The following FNDC1 variants were observed in gnomAD, a reference collection of about 807,000 sequenced individuals.
FNDC1 encodes the protein fibronectin type III domain containing 1, also known as fibronectin type III domain-containing protein 1.
FNDC1 carries 96 observed loss-of-function variants against 168.0 expected under a neutral mutation model. That is an observed-to-expected ratio of 0.57 (90% CI 0.48 to 0.68). The LOEUF is 0.68. FNDC1 is among the 30% of genes least tolerant of loss of function. The pLI is 0.00. For missense variants in FNDC1, 2,587 were observed against 2,482.1 expected (o/e 1.04, Z -0.90); for synonymous variants, 1,099 against 1,025.9 (o/e 1.07, Z -1.36).
chr6:159,184,064 G>A (rs887257442), intron 1 of FNDC1, among the ~76,000 whole-genome samples: 4 of 152,268 alleles, frequency 2.6e-5, no homozygotes, highest in Admixed American at 1.3e-4. Context: ...CTTACTAGAT[G>A]TGTGCCCTTG....
rs572005809 is a variant in FNDC1 at position 159,265,955 on chromosome 6, C to A, written c.5285-129C>A. 123 of 955,520 alleles carry A rather than the reference C, an allele frequency of 1.3e-4. 1 individual carries two copies. The South Asian group carries it at 2.0e-3, about 16-fold the overall frequency. 59.2% of individuals were successfully genotyped at this position (955,520 alleles called of 1,614,324 possible). On this transcript the variant is annotated intron_variant, in intron 20 of 22. Transcript: ENST00000297267. ...ACAAACAAACAAACAACAACACAAA[C>A]AAACAAACAAACAAAAAGCCCTGTA...
At chr6:159,237,796 G>T (rs1271444066) in intron 12 of FNDC1, among the ~76,000 whole-genome samples, 1 of 152,110 alleles carries the variant, frequency 6.6e-6, no homozygotes, top group Non-Finnish European at 1.5e-5. Flanking sequence ...GCAGTTTTAA[G>T]CTTATATATG....
chr6:159,234,290 CGACT>C lies in FNDC1; in HGVS notation c.3780_3783del (p.Leu1261ArgfsTer8). The C allele has an allele frequency of 6.2e-7, 1 of 1,602,560 alleles. No homozygotes were observed. The highest frequency in any genetic ancestry group is 1.1e-5 in the South Asian group (1 of 89,472). ...CCCCAGGGCCTCCCACGTCCCTTCC[CGACT>C]GCCGCCTCGCAGCGCTGCCACCGTG... On this transcript the variant is annotated frameshift_variant, in exon 11 of 23. Coordinates refer to ENST00000297267, the MANE Select transcript of FNDC1 (RefSeq NM_032532.3). LOFTEE classifies it high-confidence loss of function.
chr6:159,253,429 C>A (rs1043829859), intron 17 of FNDC1, among the ~76,000 whole-genome samples: 1 of 152,148 alleles, frequency 6.6e-6, no homozygotes, highest in Non-Finnish European at 1.5e-5. Context: ...ATTATCGGGC[C>A]CCCTGCAGGG....
At chr6:159,219,133 C>T (rs749099489) in intron 5 of FNDC1, among the ~76,000 whole-genome samples, 2 of 151,934 alleles carry the variant, frequency 1.3e-5, no homozygotes, top group Admixed American at 6.6e-5. Flanking sequence ...CTCCCCCTCC[C>T]GGGTTTAAGA....
chr6:159,192,869 G>C (rs76906860), intron 1 of FNDC1, among the ~76,000 whole-genome samples: 5,774 of 152,130 alleles, frequency 0.038, 402 homozygotes, highest in African/African-American at 0.13. Flanking sequence ...GGGAGGTCTG[G>C]GGGTGTGATG....
chr6:159,257,717 G>T (rs1485952373), intron 18 of FNDC1, among the ~76,000 whole-genome samples: 1 of 152,164 alleles, frequency 6.6e-6, no homozygotes, highest in Non-Finnish European at 1.5e-5. Flanking sequence ...TGCCATTTGG[G>T]CCCGCTTGAG....
At chr6:159,237,640 C>T (rs908335683) in intron 12 of FNDC1, among the ~76,000 whole-genome samples, 1 of 152,138 alleles carries the variant, frequency 6.6e-6, no homozygotes, top group African/African-American at 2.4e-5. Context: ...CTTTAATATG[C>T]TAGCAATTCA....
At chr6:159,257,783 G>A (rs189495282) in intron 18 of FNDC1, among the ~76,000 whole-genome samples, 256 of 152,242 alleles carry the variant, frequency 1.7e-3, no homozygotes, top group Non-Finnish European at 2.8e-3. Context: ...AAAGCAAGTA[G>A]TAAACCAGGA....
intron 14 of FNDC1, 93 bp downstream of exon 14, chr6:159,240,050 A>G (rs1007286656): frequency 2.4e-5 from 30 of 1,228,100 alleles, no homozygotes; most frequent in Non-Finnish European, 3.2e-5. Context: ...GGGAGGTATG[A>G]GCACCGTGCA....
chr6:159,271,416 G>T lies in FNDC1; in HGVS notation c.5659G>T (p.Gly1887Trp). 2.5e-6 allele frequency: 4 copies of T among 1,610,958 alleles called. No homozygotes were observed. The highest frequency in any genetic ancestry group is 1.3e-5 in the African/African-American group (1 of 74,962). The change falls in exon 23 of 23, where the codon GGG becomes TGG. Residue 1887 changes from glycine to tryptophan, a missense_variant. Transcript: ENST00000297267. ...PYYYVGWYEC[G>W]VSIPGKW ...CTACTATGTGGGCTGGTACGAGTGT[G>T]GGGTCTCCATCCCTGGAAAGTGGTA...
At chr6:159,226,376 C>A in intron 8 of FNDC1, 97 bp from the exon 9 acceptor site, 1 of 909,794 alleles carries the variant, frequency 1.1e-6, no homozygotes, top group South Asian at 1.8e-5. Context: ...AGTAGGTCTT[C>A]AATTTAAAAA....
rs765038541 is a variant in FNDC1, at chr6:159,232,887, G to C, written c.2375G>C (p.Gly792Ala). 1.4e-5 allele frequency: 22 copies of C among 1,613,122 alleles called. No individual in the cohort carries two copies. Among genetic ancestry groups the C allele is most frequent in the Non-Finnish European group, 1.7e-5 (20 of 1,179,856 alleles). ...EASDGESHGD[G>A]DREDGGRQAE... ...TCTGATGGTGAAAGCCACGGTGACG[G>C]CGATAGGGAAGACGGCGGAAGGCAG... Residue 792 changes from glycine (G) to alanine (A), a missense_variant, in exon 11 of 23, where the codon GGC becomes GCC. By Grantham distance (60) the Gly-to-Ala change is moderately conservative (BLOSUM62 0). Transcript: ENST00000297267. The surrounding 1 kb of genome is among the most constrained non-coding windows in gnomAD (Gnocchi z 4.9).
chr6:159,221,766 C>A, intron 6 of FNDC1, 70 bp downstream of exon 6: 1 of 1,162,482 alleles, frequency 8.6e-7, no homozygotes, highest in Middle Eastern at 1.9e-4. Context: ...CCAAATGATG[C>A]TGGCTGAATG....
At position 159,232,233 on chromosome 6, in the gene FNDC1, A is replaced by C; in HGVS notation, c.1721A>C (p.His574Pro). The change falls in exon 11 of 23, where the codon CAC becomes CCC. Residue 574 changes from histidine to proline, a missense_variant. By Grantham distance (77) the His-to-Pro change is moderately conservative. Coordinates refer to ENST00000297267, the MANE Select transcript of FNDC1 (RefSeq NM_032532.3). This position sits in a 1 kb window ranked among gnomAD's most constrained non-coding sequence, Gnocchi z 4.9. ...RTLRPPSRHGHSVVAPGRTAV... is the reference protein window; with the variant it reads ...RTLRPPSRHGPSVVAPGRTAV... ...CTGAGGCCGCCAAGTAGACACGGCC[A>C]CTCGGTGGTTGCTCCCGGCAGGACT... is the stretch of plus-strand genomic sequence containing the variant. The C allele has an allele frequency of 6.2e-7, 1 of 1,612,004 alleles. No homozygotes were observed. The highest frequency in any genetic ancestry group is 8.5e-7 in the Non-Finnish European group (1 of 1,179,126).
chr6:159,213,227 C>T (rs567343580), intron 4 of FNDC1, among the ~76,000 whole-genome samples: 4 of 152,270 alleles, frequency 2.6e-5, no homozygotes, highest in African/African-American at 9.6e-5. Context: ...GCTGTTGTCC[C>T]TGCTGTTGGG....
At chr6:159,269,498 C>CCA (rs1417295705) in intron 22 of FNDC1, among the ~76,000 whole-genome samples, 1,969 of 116,398 alleles carry the variant, frequency 0.017, 36 homozygotes, top group Admixed American at 0.024. Context: ...ATCTATCTAT[C>CCA]TATCCATCCA....
rs113792499 is a variant in FNDC1, at chr6:159,248,268, A to AC, written c.4691-765dup. On this transcript the variant is annotated intron_variant, in intron 15 of 22. Transcript: ENST00000297267. ...TAGTTGTCTTGGCAGGATTAATCCC[A>AC]CCCCCCATGCCCAGAAAAAGTTCAT... Among the ~76,000 whole-genome samples, 289 of 151,846 alleles carry AC rather than the reference A, an allele frequency of 1.9e-3. 2 individuals are homozygous for AC. Among genetic ancestry groups the AC allele is most frequent in the African/African-American group, 6.8e-3 (280 of 41,392 alleles).
Position 159,267,909 on chromosome 6 carries a change from C to G in FNDC1, c.5552C>G (p.Ala1851Gly). 1 of 1,610,756 alleles carries G rather than the reference C, an allele frequency of 6.2e-7. No homozygotes were observed. The highest frequency in any genetic ancestry group is 8.5e-7 in the Non-Finnish European group (1 of 1,178,362). Residue 1851 changes from alanine (A) to glycine (G), a missense_variant, in exon 22 of 23, where the codon GCC becomes GGC. Coordinates refer to ENST00000297267, the MANE Select transcript of FNDC1 (RefSeq NM_032532.3). Reference protein sequence around the residue: ...GRTGPQSYVEALPTIQGYYRQ... With the variant: ...GRTGPQSYVEGLPTIQGYYRQ... ...ACAGGGCCTCAGTCCTATGTAGAAG[C>G]CCTCCCTACTATTCAAGGTAATACA...
Sources: gnomAD v4.1 joint callset for allele counts (sites outside exome capture counted in the v4.1 genomes callset) on GRCh38, gnomAD v4.1.1 for gene constraint, Gnocchi (gnomAD v3.1) non-coding constraint, MANE v1.5 for transcripts, NCBI Gene and HGNC (gene_info 2026-07-23, HGNC 2026-07-21) for gene names.